The following ADAMTS1 variants were observed in gnomAD, a reference collection of about 807,000 sequenced individuals.
The protein encoded by ADAMTS1 is ADAM metallopeptidase with thrombospondin type 1 motif 1.
In ADAMTS1, 19 loss-of-function variants were observed where a neutral mutation model predicts 87.9. The ratio of observed to expected loss-of-function variants is 0.22; its 90% confidence interval spans 0.15 to 0.32. The LOEUF (loss-of-function observed/expected upper bound fraction) is 0.32. ADAMTS1 is among the 10% of genes least tolerant of loss of function. The probability of loss-of-function intolerance (pLI) is 1.00; values close to 1 mark genes in which losing one functional copy is unlikely to be tolerated. For synonymous variants in ADAMTS1, 542 were observed against 501.8 expected, an observed-to-expected ratio of 1.08 and a Z score of -1.07; for missense variants, 1,240 against 1,259.1, an observed-to-expected ratio of 0.98 and a Z score of 0.23.
chr21:26,842,276 CT>C, intron 2 of ADAMTS1, 62 bp downstream of exon 2: 2 of 1,491,424 alleles, frequency 1.3e-6, no homozygotes, highest in Non-Finnish European at 1.8e-6. Flanking sequence ...TTGTATATAT[CT>C]TTTTGGTACA....
intron 2 of ADAMTS1, 59 bp from the exon 3 acceptor site, chr21:26,842,049 C>A (rs1414618776): frequency 6.4e-7 from 1 of 1,567,786 alleles, no homozygotes; most frequent in African/African-American, 1.4e-5. Flanking sequence ...TGGGATCTAA[C>A]TTTTTTGGCA....
intron 1 of ADAMTS1, chr21:26,843,747 C>T (rs370850): frequency 0.73 from 364,412 of 496,872 alleles, 137,341 homozygotes; most frequent in African/African-American, 0.89. Context: ...GGTACCTTCC[C>T]AGGTCACCAT....
rs1454277843 is a variant in ADAMTS1 at position 26,844,832 on chromosome 21, C to A, written c.123G>T (p.Ala41=). ...GPVPTLLLLA[A]ALLAVSDALG... ...GTGCGTCCGACACGGCCAGTAGCGC[C>A]GCGGCGAGCAGCAGCAGCGTGGGTA... Residue 41 remains alanine, a synonymous_variant, in exon 1 of 9, where the codon GCG becomes GCT. Coordinates refer to ENST00000284984, the MANE Select transcript of ADAMTS1 (RefSeq NM_006988.5). 2.6e-6 allele frequency: 4 copies of A among 1,552,970 alleles called. No homozygotes were observed. The highest frequency in any genetic ancestry group is 2.7e-5 in the African/African-American group (2 of 73,558).
rs140025782 is a variant in ADAMTS1, at chr21:26,844,543, C to A, written c.412G>T (p.Ala138Ser). ...CGCACGCCCTCGCAGAGGCTGAGGG[C>A]GGCAGCCGAGCTGGGATCGCCATTC... Reference protein sequence around the residue: ...TVNGDPSSAAALSLCEGVRGA... With the variant: ...TVNGDPSSAASLSLCEGVRGA... Residue 138 changes from alanine (A) to serine (S), a missense_variant, in exon 1 of 9, where the codon GCC becomes TCC. By Grantham distance (99) the Ala-to-Ser change is moderately conservative (BLOSUM62 1). Coordinates refer to ENST00000284984, the MANE Select transcript of ADAMTS1 (RefSeq NM_006988.5). 3,351 of 1,605,742 alleles carry A rather than the reference C, an allele frequency of 2.1e-3. 5 individuals are homozygous for A. The highest frequency in any genetic ancestry group is 2.7e-3 in the Non-Finnish European group (3,124 of 1,176,706).
In ADAMTS1 at chr21:26,838,624, G is replaced by T; in HGVS notation, c.2029-10C>A. ...GAGTACCATCTACAACCTGAAAAAA[G>T]GACACATGTCTAGTGTTACATACAA... On this transcript the variant is annotated splice_polypyrimidine_tract_variant and intron_variant, in intron 7 of 8. Transcript: ENST00000284984. The T allele has an allele frequency of 6.2e-7, 1 of 1,612,350 alleles. No individual in the cohort carries two copies. The highest frequency in any genetic ancestry group is 8.5e-7 in the Non-Finnish European group (1 of 1,179,244).
intron 6 of ADAMTS1, 21 bp downstream of exon 6, chr21:26,839,854 C>T: frequency 6.2e-7 from 1 of 1,608,834 alleles, no homozygotes; most frequent in Non-Finnish European, 8.5e-7. Context: ...TTTCTTAAAA[C>T]CAGAGTCCGT....
At position 26,840,382 on chromosome 21, in the gene ADAMTS1, A is replaced by G; in HGVS notation, c.1559T>C (p.Val520Ala). ...WCTGTSGGVL[V>A]CQTKHFPWAD... ...CCACGGGAAGTGTTTGGTTTGACAC[A>G]CCAGCACCCCACCAGAGGTGCCGGT... Residue 520 changes from valine to alanine, a missense_variant, in exon 5 of 9, where the codon GTG becomes GCG. By Grantham distance (64) the Val-to-Ala change is moderately conservative. Coordinates refer to ENST00000284984, the MANE Select transcript of ADAMTS1 (RefSeq NM_006988.5). The G allele has an allele frequency of 6.2e-7, 1 of 1,614,164 alleles. No homozygotes were observed. The highest frequency in any genetic ancestry group is 8.5e-7 in the Non-Finnish European group (1 of 1,180,034).
chr21:26,842,565 G>C lies in ADAMTS1; in HGVS notation c.851C>G (p.Thr284Arg), dbSNP rs752785022. Residue 284 changes from threonine to arginine, a missense_variant, in exon 2 of 9, where the codon ACG becomes AGG. Around this residue, in one of 3 missense-constraint regions of ADAMTS1, gnomAD observed 521 missense variants for 449.7 expected, o/e 1.16. Transcript: ENST00000284984. ...CAATCTGGCTGCCACCGAAAACAAC[G>C]TGAGAAGGTAATGCTTTAGACCACT... ...HGSGLKHYLL[T>R]LFSVAARLYK... The C allele has an allele frequency of 3.7e-6, 6 of 1,614,030 alleles. No homozygotes were observed. Among genetic ancestry groups the C allele is most frequent in the Non-Finnish European group, 4.2e-6 (5 of 1,180,034 alleles).
chr21:26,839,774 A>G lies in ADAMTS1; in HGVS notation c.1853-12T>C. On this transcript the variant is annotated splice_polypyrimidine_tract_variant and intron_variant, in intron 6 of 8. Transcript: ENST00000284984. ...TCTAAAGGTTTTTCCTGGAAAGAGA[A>G]TAATATGATAACATTATCAGTTTCC... 6.2e-7 allele frequency: 1 copy of G among 1,604,350 alleles called. No individual in the cohort carries two copies. Among genetic ancestry groups the G allele is most frequent in the Non-Finnish European group, 8.5e-7 (1 of 1,172,560 alleles).
At chr21:26,838,913 G>A (rs1985434387) in intron 7 of ADAMTS1, 1 of 261,876 alleles carries the variant, frequency 3.8e-6, no homozygotes, top group Admixed American at 4.7e-5. Flanking sequence ...TATCTTCAGA[G>A]CCTAGAATAA....
rs1601922295 is a variant in ADAMTS1 at position 26,839,859 on chromosome 21, G to A, written c.1852+16C>T. ...TTTAATCCAGTTTCTTAAAACCAGAGTCCGTTGCTCCTCACCATTATTGTC... is the reference window on the plus strand; with the variant it reads ...TTTAATCCAGTTTCTTAAAACCAGAATCCGTTGCTCCTCACCATTATTGTC... On this transcript the variant is annotated intron_variant, in intron 6 of 8. Transcript: ENST00000284984. 1 of 1,610,020 alleles carries A rather than the reference G, an allele frequency of 6.2e-7. No homozygotes were observed. Among genetic ancestry groups the A allele is most frequent in the East Asian group, 2.2e-5 (1 of 44,820 alleles).
Position 26,844,601 on chromosome 21 carries a change from G to T in ADAMTS1, c.354C>A (p.Thr118=). 1 of 1,610,796 alleles carries T rather than the reference G, an allele frequency of 6.2e-7. No individual in the cohort carries two copies. Among genetic ancestry groups the T allele is most frequent in the African/African-American group, 1.3e-5 (1 of 75,026 alleles). ...CGGAGTAGAAGCAGTGCGCCAGGTC[G>T]GTTTCCGGAAGCGGCGTCTCGGACC... is the stretch of plus-strand genomic sequence containing the variant. ...KSGSETPLPE[T]DLAHCFYSGT... Residue 118 remains threonine, a synonymous_variant, in exon 1 of 9, where the codon ACC becomes ACA. Transcript: ENST00000284984.
chr21:26,844,682 G>C lies in ADAMTS1; in HGVS notation c.273C>G (p.Pro91=), dbSNP rs1406120230. The C allele has an allele frequency of 4.4e-6, 7 of 1,595,176 alleles. No individual in the cohort carries two copies. In the African/African-American group the frequency reaches 5.3e-5, roughly 12 times the overall value. ...AGCCGGGCGCCAAAAAGCTGCTGTC[G>C]GGCCGCAGCTCCAGATCCAGCTGCT... ...FDQQLDLELR[P]DSSFLAPGFT... The change falls in exon 1 of 9, where the codon CCC becomes CCG. Residue 91 remains proline, a synonymous_variant. Transcript: ENST00000284984.
intron 4 of ADAMTS1, 115 bp downstream of exon 4, chr21:26,840,883 A>C (rs972183914): frequency 7.7e-7 from 1 of 1,303,794 alleles, no homozygotes; most frequent in Non-Finnish European, 1.1e-6. Context: ...TGACAGAGGA[A>C]AAGTAATTTT....
In ADAMTS1 at chr21:26,837,520, C is replaced by A. The variant is rs1985391167; in HGVS notation, c.*59G>T. The A allele has an allele frequency of 2.0e-6, 3 of 1,503,756 alleles. No homozygotes were observed. The highest frequency in any genetic ancestry group is 1.7e-5 in the Admixed American group (1 of 57,828). The allele number at this position is 1,503,756 out of a possible 1,614,324, so 93.2% of individuals were successfully genotyped here. On this transcript the variant is annotated 3_prime_UTR_variant, in exon 9 of 9. Coordinates refer to ENST00000284984, the MANE Select transcript of ADAMTS1 (RefSeq NM_006988.5). ...TGGATCCCTCCAGCCTTCTTGCTTT[C>A]CCTGCACCAGCCCTTCCTCACTTTG...
rs754541684 is a variant in ADAMTS1 at position 26,840,972 on chromosome 21, TAG to T, written c.1378+24_1378+25del. ...TATGCGTGAAAGGTTGGATGCCATC[TAG>T]AGAGAGTAGCTGGAATATCTCACCA... On this transcript the variant is annotated intron_variant, in intron 4 of 8. Transcript: ENST00000284984. The T allele has an allele frequency of 2.5e-6, 4 of 1,605,914 alleles. No homozygotes were observed. The East Asian group carries it at 6.7e-5, about 27-fold the overall frequency.
chr21:26,837,724 C>A lies in ADAMTS1; in HGVS notation c.2759G>T (p.Cys920Phe). 1 of 1,614,194 alleles carries A rather than the reference C, an allele frequency of 6.2e-7. No homozygotes were observed. Among genetic ancestry groups the A allele is most frequent in the Admixed American group, 1.7e-5 (1 of 60,024 alleles). ...GTAACCCTTCCCACAGGTCTTAGAA[C>A]ATGATGACCACTCCCCCAGCTGCCA... ...PQWQLGEWSS[C>F]SKTCGKGYKK... The change falls in exon 9 of 9, where the codon TGT (cysteine) becomes TTT (phenylalanine). Residue 920 changes from cysteine to phenylalanine, a missense_variant. Transcript: ENST00000284984.
chr21:26,837,404 G>A lies in ADAMTS1; in HGVS notation c.*175C>T. 3.3e-6 allele frequency: 2 copies of A among 606,358 alleles called. No individual in the cohort carries two copies. The highest frequency in any genetic ancestry group is 5.8e-6 in the Non-Finnish European group (2 of 346,144). 37.6% of individuals were successfully genotyped at this position (606,358 alleles called of 1,614,324 possible). On this transcript the variant is annotated 3_prime_UTR_variant, in exon 9 of 9. Coordinates refer to ENST00000284984, the MANE Select transcript of ADAMTS1 (RefSeq NM_006988.5). Reference sequence around the variant, plus strand: ...TAACTATCCTATCAAATTTGCAACTGGCAGTTTACTCTGATGATTCAACTC... The same window carrying A: ...TAACTATCCTATCAAATTTGCAACTAGCAGTTTACTCTGATGATTCAACTC...
In ADAMTS1 at chr21:26,838,208, T is replaced by TA. The variant is rs1237900601; in HGVS notation, c.2274_2275insT (p.Arg759Ter). 6.2e-7 allele frequency: 1 copy of TA among 1,614,090 alleles called. No homozygotes were observed. Among genetic ancestry groups the TA allele is most frequent in the Non-Finnish European group, 8.5e-7 (1 of 1,180,004 alleles). On this transcript the variant is annotated frameshift_variant, in exon 9 of 9. Transcript: ENST00000284984. LOFTEE classifies it high-confidence loss of function. ...AAGCTGCCATTGTTCCTGGATCCCC[T>TA]CTGGTTCCGCTGTTTCACTTCGATG...
Sources: gnomAD v4.1 joint callset for allele counts on GRCh38, gnomAD v4.1.1 for gene constraint, gnomAD v4.1.1 regional missense constraint, MANE v1.5 for transcripts, NCBI Gene and HGNC (gene_info 2026-07-23, HGNC 2026-07-21) for gene names.